The following ENOX1 variants were observed in gnomAD, a reference collection of about 807,000 sequenced individuals.
ENOX1 encodes the protein candidate growth-related and time keeping constitutive hydroquinone (NADH) oxidase.
Under a neutral mutation model 82.5 loss-of-function variants are expected in ENOX1, and 42 were observed. The ratio of observed to expected loss-of-function variants is 0.51; its 90% confidence interval spans 0.40 to 0.66. ENOX1 has a LOEUF of 0.66. Ranked by LOEUF, ENOX1 falls within the 30% of genes least tolerant of loss-of-function variation. The pLI is 0.00. For synonymous variants in ENOX1, 271 were observed against 282.2 expected, an observed-to-expected ratio of 0.96 and a Z score of 0.40; for missense variants, 608 against 811.6, an observed-to-expected ratio of 0.75 and a Z score of 3.05.
At chr13:43,612,993 A>C (rs1471278898) in intron 2 of ENOX1, among the ~76,000 whole-genome samples, 4 of 152,168 alleles carry the variant, frequency 2.6e-5, no homozygotes, top group Admixed American at 2.6e-4. Flanking sequence ...TGATGATGGC[A>C]TTTGAAGAGA....
At chr13:43,707,992 C>G (rs73482025) in intron 1 of ENOX1, among the ~76,000 whole-genome samples, 3,205 of 152,236 alleles carry the variant, frequency 0.021, 127 homozygotes, top group African/African-American at 0.074. Flanking sequence ...GATGGCTAGA[C>G]AGTTCTTAAA....
chr13:43,423,301 T>C (rs1324543414), intron 3 of ENOX1, among the ~76,000 whole-genome samples: 1 of 152,060 alleles, frequency 6.6e-6, no homozygotes, highest in Non-Finnish European at 1.5e-5. Context: ...AAAAAAGTGA[T>C]CACCGCTAGA....
intron 8 of ENOX1, among the ~76,000 whole-genome samples, chr13:43,353,639 C>T (rs1044151806): frequency 1.2e-4 from 18 of 152,180 alleles, no homozygotes; most frequent in Admixed American, 1.1e-3. Flanking sequence ...ATTTCCTAAG[C>T]AATTAAATGC....
At chr13:43,473,408 T>C (rs552560053) in intron 3 of ENOX1, among the ~76,000 whole-genome samples, 15 of 152,328 alleles carry the variant, frequency 9.8e-5, no homozygotes, top group Non-Finnish European at 1.8e-4. Context: ...CTAACAGTGA[T>C]GGCATTGTTC....
intron 2 of ENOX1, among the ~76,000 whole-genome samples, chr13:43,556,661 T>C (rs1363672246): frequency 2.0e-5 from 3 of 151,792 alleles, no homozygotes; most frequent in Non-Finnish European, 2.9e-5. Flanking sequence ...ATTAGACACT[T>C]GAGTATCATG....
chr13:43,353,339 A>G (rs968572666), intron 8 of ENOX1, among the ~76,000 whole-genome samples: 1 of 152,244 alleles, frequency 6.6e-6, no homozygotes, highest in African/African-American at 2.4e-5. Flanking sequence ...CTGATTTTCA[A>G]AGAGAAAATT....
At chr13:43,474,865 A>T (rs1310296542) in intron 3 of ENOX1, among the ~76,000 whole-genome samples, 1 of 152,136 alleles carries the variant, frequency 6.6e-6, no homozygotes, top group African/African-American at 2.4e-5. Context: ...ATTACTAGAC[A>T]TGTTTTCTCA....
intron 1 of ENOX1, among the ~76,000 whole-genome samples, chr13:43,722,636 C>G (rs952673533): frequency 2.6e-5 from 4 of 152,046 alleles, no homozygotes; most frequent in Non-Finnish European, 5.9e-5. Context: ...GACATGATGA[C>G]AGGGACTTTA....
At chr13:43,309,056 C>T (rs1200697828) in intron 11 of ENOX1, among the ~76,000 whole-genome samples, 1 of 146,040 alleles carries the variant, frequency 6.8e-6, no homozygotes, top group East Asian at 2.0e-4. Flanking sequence ...CAGAGTCTCG[C>T]TGTCACCCAG....
intron 2 of ENOX1, among the ~76,000 whole-genome samples, chr13:43,539,476 T>C (rs2078617001): frequency 6.6e-6 from 1 of 152,196 alleles, no homozygotes; most frequent in African/African-American, 2.4e-5. Context: ...ATAGAAATAT[T>C]CAAGATTTTG....
In ENOX1 at chr13:43,381,725, G is replaced by C. The variant is rs185277172; in HGVS notation, c.209-20273C>G. 1.4e-4 allele frequency among the ~76,000 whole-genome samples: 22 copies of C among 151,754 alleles called. No individual in the cohort carries two copies. In the East Asian group the frequency reaches 4.1e-3, roughly 28 times the overall value. On this transcript the variant is annotated intron_variant, in intron 5 of 16. Coordinates refer to ENST00000690772, the MANE Select transcript of ENOX1 (RefSeq NM_001347969.2). ...TACAGTTCCCATACATAAATATCAAGGCATATTACAAAAATTGTATGTCAA... is the reference window on the plus strand; with the variant it reads ...TACAGTTCCCATACATAAATATCAACGCATATTACAAAAATTGTATGTCAA...
chr13:43,342,611 C>G (rs76493566), intron 9 of ENOX1, among the ~76,000 whole-genome samples: 5 of 152,102 alleles, frequency 3.3e-5, no homozygotes, highest in African/African-American at 1.2e-4. Flanking sequence ...AGGGGGAGTG[C>G]CTGTTCTGCT....
intron 1 of ENOX1, among the ~76,000 whole-genome samples, chr13:43,744,416 G>A (rs1311885865): frequency 6.6e-6 from 1 of 152,092 alleles, no homozygotes; most frequent in African/African-American, 2.4e-5. Flanking sequence ...AACGAGGAAA[G>A]GAGGCTAGGA....
intron 11 of ENOX1, among the ~76,000 whole-genome samples, chr13:43,304,240 T>C (rs1474059041): frequency 2.0e-5 from 3 of 152,222 alleles, no homozygotes; most frequent in Non-Finnish European, 4.4e-5. Flanking sequence ...TGACAGCTAA[T>C]GATTTTTATG....
chr13:43,549,727 A>G (rs1030203271), intron 2 of ENOX1, among the ~76,000 whole-genome samples: 6 of 152,202 alleles, frequency 3.9e-5, no homozygotes, highest in African/African-American at 1.4e-4. Context: ...TAATGCTCTT[A>G]TGGCTCCTCC....
intron 2 of ENOX1, among the ~76,000 whole-genome samples, chr13:43,635,537 G>A (rs1269759079): frequency 6.6e-6 from 1 of 152,170 alleles, no homozygotes; most frequent in Non-Finnish European, 1.5e-5. Context: ...GTGCTAGAAG[G>A]AAATCTTCCA....
intron 14 of ENOX1, among the ~76,000 whole-genome samples, chr13:43,238,048 G>C (rs1272201811): frequency 2.0e-5 from 3 of 152,208 alleles, no homozygotes; most frequent in Non-Finnish European, 4.4e-5. Flanking sequence ...GTAAAGAATT[G>C]AGAAAATCAC....
At chr13:43,680,523 T>C (rs1023883451) in intron 1 of ENOX1, among the ~76,000 whole-genome samples, 1 of 152,140 alleles carries the variant, frequency 6.6e-6, no homozygotes, top group Admixed American at 6.6e-5. Flanking sequence ...ACTGAGTGCA[T>C]AGGGTAATGA....
chr13:43,775,821 C>T (rs542544162), intron 1 of ENOX1, among the ~76,000 whole-genome samples: 27 of 152,290 alleles, frequency 1.8e-4, no homozygotes, highest in Admixed American at 6.5e-4. Context: ...GCCCCACTGC[C>T]ACCCCTAAGG....
Sources: allele counts gnomAD v4.1 joint callset (sites outside exome capture counted in the v4.1 genomes callset), GRCh38; gene constraint gnomAD v4.1.1; transcripts MANE v1.5; gene names NCBI Gene and HGNC (gene_info 2026-07-23, HGNC 2026-07-21).